Variants in ROBO2 observed in about 807,000 individuals in gnomAD.
The protein encoded by ROBO2 is roundabout homolog 2.
In ROBO2, 53 loss-of-function variants were observed where a neutral mutation model predicts 160.8. The observed-to-expected ratio is 0.33, with a 90% CI of 0.26 to 0.41. The LOEUF is 0.41. Among genes scored for constraint, ROBO2 ranks in the 10% least tolerant of loss-of-function variants. The pLI is 1.00. For missense variants in ROBO2, 1,577 were observed against 1,722.4 expected, an observed-to-expected ratio of 0.92 and a Z score of 1.49; for synonymous variants, 664 against 611.7, an observed-to-expected ratio of 1.09 and a Z score of -1.26.
intron 2 of ROBO2, among the ~76,000 whole-genome samples, chr3:76,828,500 T>G (rs2066778953): frequency 6.6e-6 from 1 of 152,250 alleles, no homozygotes; most frequent in Admixed American, 6.5e-5. Context: ...GAGTGAATGC[T>G]CTGTAAAATT....
chr3:77,472,844 T>C (rs2083494802), intron 2 of ROBO2, among the ~76,000 whole-genome samples: 2 of 151,874 alleles, frequency 1.3e-5, no homozygotes, highest in Non-Finnish European at 2.9e-5. Flanking sequence ...TTGGTAAGGG[T>C]GTTGAGAGAA....
Position 77,634,993 on chromosome 3 carries a change from G to T in ROBO2, c.3884G>T (p.Arg1295Leu), listed in dbSNP as rs762523752. The T allele has an allele frequency of 2.5e-6, 4 of 1,613,970 alleles. No individual in the cohort carries two copies. Among genetic ancestry groups the T allele is most frequent in the Middle Eastern group, 3.3e-4 (2 of 6,084 alleles). ...CCCACTAAAAAACACAAGGGAGGGC[G>T]GATGGACCAACAACCAGCATTGCCT... The change falls in exon 24 of 26, where the codon CGG becomes CTG. Residue 1295 changes from arginine to leucine, a missense_variant. Arg to Leu is a moderately radical substitution (Grantham distance 102). Transcript: ENST00000461745.
chr3:76,242,287 C>T, intron 2 of ROBO2, among the ~76,000 whole-genome samples: 1 of 152,170 alleles, frequency 6.6e-6, no homozygotes, highest in South Asian at 2.1e-4. Context: ...TCTTCAGATA[C>T]TCCTTGACCA....
intron 2 of ROBO2, among the ~76,000 whole-genome samples, chr3:77,403,189 T>C (rs148839600): frequency 6.6e-6 from 1 of 152,228 alleles, no homozygotes; most frequent in African/African-American, 2.4e-5. Flanking sequence ...CTAGTTAACA[T>C]GTGCATTGTC....
At chr3:76,594,195 T>A (rs992548495) in intron 2 of ROBO2, among the ~76,000 whole-genome samples, 8 of 152,126 alleles carry the variant, frequency 5.3e-5, no homozygotes, top group African/African-American at 1.9e-4. Flanking sequence ...GAGGCTATTT[T>A]TCTAAAGTTG....
At chr3:76,012,819 A>G (rs1484461780) in intron 2 of ROBO2, among the ~76,000 whole-genome samples, 1 of 140,776 alleles carries the variant, frequency 7.1e-6, no homozygotes, top group African/African-American at 2.5e-5. Flanking sequence ...TATGCATGTA[A>G]TCCCAGAAGT....
intron 2 of ROBO2, among the ~76,000 whole-genome samples, chr3:75,991,240 A>C (rs1335511370): frequency 6.6e-6 from 1 of 152,222 alleles, no homozygotes; most frequent in African/African-American, 2.4e-5. Flanking sequence ...GATTATAATA[A>C]GGAAAAGATA....
In ROBO2 at chr3:76,359,757, C is replaced by T. The variant is rs562028361; in HGVS notation, c.109+422155C>T. 4.6e-5 allele frequency among the ~76,000 whole-genome samples: 7 copies of T among 151,944 alleles called. No individual in the cohort carries two copies. In the South Asian group the frequency reaches 1.5e-3, roughly 32 times the overall value. On this transcript the variant is annotated intron_variant, in intron 2 of 26. Transcript: ENST00000487694. ...AGTATTCATATATTATATGTCATTT[C>T]TTTGGTAGCTATCTCTTTCCTTTAC... is the stretch of plus-strand genomic sequence containing the variant.
chr3:77,184,958 C>A (rs1363966243), intron 2 of ROBO2, among the ~76,000 whole-genome samples: 2 of 152,016 alleles, frequency 1.3e-5, no homozygotes, highest in Non-Finnish European at 1.5e-5. Flanking sequence ...TACAGAACTT[C>A]TTGATGAATT....
chr3:77,539,833 C>T (rs1221647400), intron 6 of ROBO2, among the ~76,000 whole-genome samples: 1 of 152,150 alleles, frequency 6.6e-6, no homozygotes, highest in Non-Finnish European at 1.5e-5. Flanking sequence ...TTGGAAAGAA[C>T]ACAAGACAAG....
intron 2 of ROBO2, among the ~76,000 whole-genome samples, chr3:76,643,748 A>C (rs1042723110): frequency 6.6e-6 from 1 of 152,188 alleles, no homozygotes; most frequent in African/African-American, 2.4e-5. Flanking sequence ...CTTGTAACAG[A>C]AGCCTTTCCA....
At chr3:77,173,725 C>A (rs2079862059) in intron 2 of ROBO2, among the ~76,000 whole-genome samples, 1 of 152,000 alleles carries the variant, frequency 6.6e-6, no homozygotes, top group Non-Finnish European at 1.5e-5. Context: ...TGTTACATAT[C>A]TTGTTCTCAT....
chr3:77,279,604 G>A (rs1047083325), intron 2 of ROBO2, among the ~76,000 whole-genome samples: 2 of 152,048 alleles, frequency 1.3e-5, no homozygotes, highest in African/African-American at 4.8e-5. Context: ...GTTAAATGTT[G>A]AAAATTGTAA....
At chr3:77,496,559 T>C (rs941354119) in intron 5 of ROBO2, among the ~76,000 whole-genome samples, 15 of 152,192 alleles carry the variant, frequency 9.9e-5, no homozygotes, top group Non-Finnish European at 2.1e-4. Flanking sequence ...TGTTCTTGTA[T>C]AAGCAATTGG....
At chr3:75,983,716 A>G (rs922198176) in intron 2 of ROBO2, among the ~76,000 whole-genome samples, 1 of 151,260 alleles carries the variant, frequency 6.6e-6, no homozygotes, top group Non-Finnish European at 1.5e-5. Context: ...TGAATTTTTG[A>G]TATCAACTCC....
At chr3:76,943,577 A>G (rs2078331105) in intron 2 of ROBO2, among the ~76,000 whole-genome samples, 1 of 152,208 alleles carries the variant, frequency 6.6e-6, no homozygotes, top group Non-Finnish European at 1.5e-5. Context: ...CAAACTAGAA[A>G]ATAGTGACTA....
At chr3:76,250,503 T>G (rs1182434262) in intron 2 of ROBO2, among the ~76,000 whole-genome samples, 1 of 152,056 alleles carries the variant, frequency 6.6e-6, no homozygotes, top group East Asian at 1.9e-4. Context: ...TCGTTTTGCG[T>G]GTAGGAGAGT....
chr3:77,317,505 G>T (rs1233496867), intron 2 of ROBO2: 69 of 1,465,150 alleles, frequency 4.7e-5, no homozygotes, highest in Non-Finnish European at 6.2e-5. Flanking sequence ...TCCATCCTCA[G>T]ATTTCGTTTT....
chr3:76,510,631 G>A (rs569443098), intron 2 of ROBO2, among the ~76,000 whole-genome samples: 1 of 152,252 alleles, frequency 6.6e-6, no homozygotes, highest in African/African-American at 2.4e-5. Flanking sequence ...GGCTGAGGCA[G>A]GAGAATTACT....
Sources: gnomAD v4.1 joint callset for allele counts (sites outside exome capture counted in the v4.1 genomes callset) on GRCh38, gnomAD v4.1.1 for gene constraint, MANE v1.5 for transcripts, NCBI Gene and HGNC (gene_info 2026-07-23, HGNC 2026-07-21) for gene names.